The following ZBTB20 variants were observed in gnomAD, a reference collection of about 807,000 sequenced individuals.
ZBTB20 encodes the protein zinc finger and BTB domain containing 20.
ZBTB20 carries 9 observed loss-of-function variants against 56.9 expected under a neutral mutation model. The ratio of observed to expected loss-of-function variants is 0.16; its 90% CI spans 0.10 to 0.28. ZBTB20 has a LOEUF of 0.28. Ranked by LOEUF, ZBTB20 falls within the 10% of genes least tolerant of loss-of-function variation. ZBTB20 has a pLI of 1.00. For missense variants in ZBTB20, 655 were observed against 1,003.0 expected (o/e 0.65, Z 4.69); for synonymous variants, 417 against 420.7 (o/e 0.99, Z 0.11).
At chr3:115,037,927 GAAT>G (rs1425251566) in intron 2 of ZBTB20, among the ~76,000 whole-genome samples, 2 of 152,088 alleles carry the variant, frequency 1.3e-5, no homozygotes, top group African/African-American at 2.4e-5. Flanking sequence ...TTAGTACATA[GAAT>G]AATATTTTAA....
chr3:114,824,233 A>G (rs1436984097), intron 4 of ZBTB20, among the ~76,000 whole-genome samples: 2 of 152,092 alleles, frequency 1.3e-5, no homozygotes, highest in Non-Finnish European at 2.9e-5. Context: ...CTAAGAGACA[A>G]TTACAGCTGG....
intron 4 of ZBTB20, among the ~76,000 whole-genome samples, chr3:114,823,431 A>G (rs908959660): frequency 1.2e-4 from 19 of 152,032 alleles, no homozygotes; most frequent in African/African-American, 4.6e-4. Flanking sequence ...CTAAGTTCAT[A>G]TATTTTCCAA....
intron 6 of ZBTB20, among the ~76,000 whole-genome samples, chr3:114,640,375 G>A (rs939268769): frequency 1.3e-5 from 2 of 152,080 alleles, no homozygotes; most frequent in Non-Finnish European, 2.9e-5. Flanking sequence ...CTTGGGTGGA[G>A]TGTGAGACTG....
Position 114,817,170 on chromosome 3 carries a change from T to C in ZBTB20, c.-416-15996A>G, listed in dbSNP as rs560144904. 2.7e-5 allele frequency among the ~76,000 whole-genome samples: 4 copies of C among 148,322 alleles called. No individual in the cohort carries two copies. In the South Asian group the frequency reaches 8.6e-4, roughly 32 times the overall value. ...AATCTCTCTCTATATTAAGTCTATA[T>C]GAAATATATTTATACAACTTATACA... On this transcript the variant is annotated intron_variant, in intron 4 of 11. Coordinates refer to ENST00000675478, the MANE Select transcript of ZBTB20 (RefSeq NM_001348800.3).
chr3:114,762,350 A>G (rs1173841878), intron 5 of ZBTB20, among the ~76,000 whole-genome samples: 1 of 152,154 alleles, frequency 6.6e-6, no homozygotes, highest in Non-Finnish European at 1.5e-5. Context: ...GCATTTGCCA[A>G]CTCCGGGCAC....
chr3:114,350,250 G>A (rs1393770863), intron 11 of ZBTB20, 24 bp downstream of exon 11: 2 of 1,570,546 alleles, frequency 1.3e-6, no homozygotes, highest in South Asian at 1.2e-5. Context: ...CTGCTGCCAG[G>A]CCTCCAGGTG....
chr3:115,133,405 A>T (rs770556455), intron 1 of ZBTB20, among the ~76,000 whole-genome samples: 6 of 152,218 alleles, frequency 3.9e-5, no homozygotes, highest in Non-Finnish European at 8.8e-5. Context: ...ACATAAACTC[A>T]CCATTTTAAC....
intron 3 of ZBTB20, among the ~76,000 whole-genome samples, chr3:114,914,528 T>C (rs2075669184): frequency 6.6e-6 from 1 of 152,136 alleles, no homozygotes; most frequent in African/African-American, 2.4e-5. Flanking sequence ...ATTTGACTTA[T>C]TGCTTTCCAG....
chr3:114,631,586 T>G (rs1179919298), intron 6 of ZBTB20, among the ~76,000 whole-genome samples: 1 of 151,706 alleles, frequency 6.6e-6, no homozygotes, highest in Non-Finnish European at 1.5e-5. Context: ...AGAGACAGGG[T>G]TTCACCATAT....
intron 2 of ZBTB20, among the ~76,000 whole-genome samples, chr3:114,976,485 G>C (rs1461615854): frequency 6.6e-6 from 1 of 152,024 alleles, no homozygotes; most frequent in Non-Finnish European, 1.5e-5. Context: ...AATTAGCCGG[G>C]CGTGGTGGCG....
At chr3:114,977,670 TA>T (rs1202678800) in intron 2 of ZBTB20, among the ~76,000 whole-genome samples, 1 of 152,076 alleles carries the variant, frequency 6.6e-6, no homozygotes, top group Non-Finnish European at 1.5e-5. Context: ...ATATAATATA[TA>T]AAACAATCAA....
At chr3:114,465,205 T>C (rs1303406025) in intron 7 of ZBTB20, among the ~76,000 whole-genome samples, 1 of 152,172 alleles carries the variant, frequency 6.6e-6, no homozygotes, top group African/African-American at 2.4e-5. Context: ...AGCTACAGTT[T>C]GGTGAGTGTT....
At chr3:114,637,936 T>C (rs73857635) in intron 6 of ZBTB20, among the ~76,000 whole-genome samples, 20,988 of 152,002 alleles carry the variant, frequency 0.14, 1,873 homozygotes, top group African/African-American at 0.23. Flanking sequence ...TGTTTCCTTT[T>C]CCCCCCACTA....
intron 5 of ZBTB20, among the ~76,000 whole-genome samples, chr3:114,799,120 A>T (rs1309702661): frequency 6.6e-6 from 1 of 151,860 alleles, no homozygotes; most frequent in East Asian, 1.9e-4. Flanking sequence ...TCCTTCCCAA[A>T]TCCCTGGCCT....
Position 114,335,455 on chromosome 3 carries a change from A to T in ZBTB20, c.*3550T>A, listed in dbSNP as rs2079420840. The T allele has an allele frequency of 6.6e-6, 1 of 152,248 alleles. No homozygotes were observed. The highest frequency in any genetic ancestry group is 1.5e-5 in the Non-Finnish European group (1 of 68,040). The allele number at this position is 152,248 out of a possible 1,614,324, so 9.4% of individuals were successfully genotyped here. A position where few individuals can be genotyped will look rare whatever the true frequency, so the allele number is the denominator to read the frequency against. ...AAGATATTTGTGATTGTTTAACTTA[A>T]AAGTGAGAATTGACAATCTAAAAGC... On this transcript the variant is annotated 3_prime_UTR_variant, in exon 12 of 12. Transcript: ENST00000675478.
At chr3:114,363,098 C>T (rs1044655103) in intron 10 of ZBTB20, among the ~76,000 whole-genome samples, 8 of 152,118 alleles carry the variant, frequency 5.3e-5, no homozygotes, top group Admixed American at 5.2e-4. Flanking sequence ...AAATTTATTG[C>T]TGAACTCACA....
chr3:114,778,580 A>G (rs2069817900), intron 5 of ZBTB20, among the ~76,000 whole-genome samples: 1 of 152,158 alleles, frequency 6.6e-6, no homozygotes. Context: ...AATCACCATG[A>G]AGCTAATAGA....
rs1039414186 is a variant in ZBTB20 at position 114,768,315 on chromosome 3, A to G, written c.-343+32786T>C. Among the ~76,000 whole-genome samples, 21 of 152,144 alleles carry G rather than the reference A, an allele frequency of 1.4e-4. 1 individual carries two copies. Among genetic ancestry groups the G allele is most frequent in the African/African-American group, 5.1e-4 (21 of 41,570 alleles). ...TTAATTAATAAAAATAGATAAAATT[A>G]TATAGCAATATATATAATATTGTAG... On this transcript the variant is annotated intron_variant, in intron 5 of 11. Transcript: ENST00000675478.
At chr3:114,652,835 C>G (rs2060205765) in intron 6 of ZBTB20, among the ~76,000 whole-genome samples, 1 of 151,714 alleles carries the variant, frequency 6.6e-6, no homozygotes, top group Non-Finnish European at 1.5e-5. Flanking sequence ...TTCTCTAAGG[C>G]CTTTTAAAAT....
Sources: allele counts gnomAD v4.1 joint callset (sites outside exome capture counted in the v4.1 genomes callset), GRCh38; gene constraint gnomAD v4.1.1; transcripts MANE v1.5; gene names NCBI Gene and HGNC (gene_info 2026-07-23, HGNC 2026-07-21).